Variants in URI1 observed in about 807,000 individuals in gnomAD.
URI1 encodes the protein URI1 prefoldin like chaperone.
Under a neutral mutation model 60.2 loss-of-function variants are expected in URI1, and 39 were observed. The observed-to-expected ratio is 0.65, with a 90% CI of 0.50 to 0.85. URI1 has a LOEUF of 0.85. Ranked by LOEUF, URI1 falls within the 40% of genes least tolerant of loss-of-function variation. The pLI, the probability that URI1 is intolerant of heterozygous loss-of-function variation, is 0.00. For missense variants in URI1, 691 were observed against 665.9 expected, an observed-to-expected ratio of 1.04 and a Z score of -0.42; for synonymous variants, 251 against 236.8, an observed-to-expected ratio of 1.06 and a Z score of -0.55.
chr19:29,972,431 T>C (rs1215200881), intron 2 of URI1, among the ~76,000 whole-genome samples: 1 of 152,070 alleles, frequency 6.6e-6, no homozygotes, highest in Non-Finnish European at 1.5e-5. Flanking sequence ...TTAGTCAGAG[T>C]GGCCCATTTT....
intron 1 of URI1, among the ~76,000 whole-genome samples, chr19:29,926,880 T>C (rs1028004875): frequency 9.9e-5 from 15 of 152,172 alleles, no homozygotes; most frequent in African/African-American, 3.4e-4. Flanking sequence ...ATGACGTGCC[T>C]GTCTGGCAGG....
At chr19:29,985,393 G>T in intron 3 of URI1, 92 bp downstream of exon 3, 1 of 1,011,492 alleles carries the variant, frequency 9.9e-7, no homozygotes, top group Non-Finnish European at 1.5e-6. Flanking sequence ...CTGATGGACT[G>T]TGTCCAAGGT....
chr19:29,996,095 CT>C (rs1391712962), intron 4 of URI1, among the ~76,000 whole-genome samples: 1 of 151,852 alleles, frequency 6.6e-6, no homozygotes, highest in African/African-American at 2.4e-5. Flanking sequence ...TTGGGGAACC[CT>C]TGAGACTCCA....
chr19:30,012,700 AAT>A, intron 10 of URI1, 169 bp downstream of exon 10: 1 of 812,890 alleles, frequency 1.2e-6, no homozygotes, highest in Non-Finnish European at 1.7e-6. Context: ...GTGATAATCA[AAT>A]AGTTTATTTT....
intron 1 of URI1, among the ~76,000 whole-genome samples, chr19:29,944,139 TCATATATATATATA>T (rs1438003507): frequency 9.8e-5 from 3 of 30,564 alleles, no homozygotes; most frequent in African/African-American, 2.7e-4. Flanking sequence ...ACCCTGTCAT[TCATATATATATATA>T]TATATATATA....
chr19:29,970,671 C>T (rs2055447710), intron 1 of URI1, among the ~76,000 whole-genome samples: 1 of 151,948 alleles, frequency 6.6e-6, no homozygotes, highest in Non-Finnish European at 1.5e-5. Context: ...AGTATTTCTT[C>T]TTGAAAATGT....
At chr19:29,993,952 A>G (rs927232521) in intron 4 of URI1, among the ~76,000 whole-genome samples, 1 of 151,976 alleles carries the variant, frequency 6.6e-6, no homozygotes, top group Non-Finnish European at 1.5e-5. Context: ...TCATGGCTAT[A>G]TAGTATTATA....
intron 4 of URI1, among the ~76,000 whole-genome samples, chr19:29,999,406 C>T (rs1217068416): frequency 1.3e-5 from 2 of 152,010 alleles, no homozygotes; most frequent in Non-Finnish European, 2.9e-5. Flanking sequence ...TCTTAAATTT[C>T]CCCTCATTTT....
intron 1 of URI1, among the ~76,000 whole-genome samples, chr19:29,924,249 C>T (rs2054846544): frequency 1.3e-5 from 2 of 152,156 alleles, no homozygotes; most frequent in African/African-American, 4.8e-5. Context: ...GTTGCACCTG[C>T]TATCTGGGTA....
Position 29,985,311 on chromosome 19 carries a change from G to A in URI1, c.231+10G>A, listed in dbSNP as rs765442982. The stretch of plus-strand genomic sequence containing the variant: ...GTCTTATAATATAATGGTATGTTTG[G>A]TGTGTTTCTTTTAAAGTAATAGTTG... On this transcript the variant is annotated intron_variant, in intron 3 of 10. Transcript: ENST00000392271. 1 of 1,602,642 alleles carries A rather than the reference G, an allele frequency of 6.2e-7. No homozygotes were observed. Among genetic ancestry groups the A allele is most frequent in the Admixed American group, 1.7e-5 (1 of 59,330 alleles).
intron 1 of URI1, among the ~76,000 whole-genome samples, chr19:29,954,764 C>T (rs1181374162): frequency 9.9e-5 from 15 of 152,050 alleles, no homozygotes; most frequent in African/African-American, 2.7e-4. Flanking sequence ...GTGATCTGCC[C>T]GCCTCAGCCT....
intron 1 of URI1, among the ~76,000 whole-genome samples, chr19:29,955,471 A>G (rs1599670843): frequency 6.6e-6 from 1 of 152,108 alleles, no homozygotes; most frequent in East Asian, 1.9e-4. Context: ...CAAAGGGTAA[A>G]TTTGTTTAGC....
At chr19:29,974,575 C>T (rs758959038) in intron 2 of URI1, among the ~76,000 whole-genome samples, 3 of 152,138 alleles carry the variant, frequency 2.0e-5, no homozygotes, top group Non-Finnish European at 2.9e-5. Flanking sequence ...GCCATCTACT[C>T]CTACCTCCAA....
chr19:29,976,123 A>G (rs1240988008), intron 2 of URI1, among the ~76,000 whole-genome samples: 1 of 152,200 alleles, frequency 6.6e-6, no homozygotes, highest in Non-Finnish European at 1.5e-5. Flanking sequence ...TTTTAAATAA[A>G]TAATTGCTAC....
chr19:29,989,500 C>T (rs192408006), intron 4 of URI1, among the ~76,000 whole-genome samples: 7 of 151,946 alleles, frequency 4.6e-5, no homozygotes, highest in Admixed American at 2.6e-4. Context: ...GTCAGTTCAT[C>T]GCAACCTCCG....
Position 30,015,283 on chromosome 19 carries a change from C to T in URI1, c.*214C>T, listed in dbSNP as rs543987061. The T allele has an allele frequency of 2.8e-6, 4 of 1,416,922 alleles. No individual in the cohort carries two copies. The East Asian group carries it at 7.5e-5, about 27-fold the overall frequency. 87.8% of individuals were successfully genotyped at this position (1,416,922 alleles called of 1,614,324 possible). A position where few individuals can be genotyped will look rare whatever the true frequency, so the allele number is the denominator to read the frequency against. The stretch of plus-strand genomic sequence containing the variant: ...GCTTGTTTTGTGAATTCTCTGAATA[C>T]TGTCAACACTCTTATCTAAGTTTGC... On this transcript the variant is annotated 3_prime_UTR_variant, in exon 11 of 11. Transcript: ENST00000392271.
chr19:29,966,950 G>A (rs1182711726), intron 1 of URI1, among the ~76,000 whole-genome samples: 1 of 152,194 alleles, frequency 6.6e-6, no homozygotes, highest in Admixed American at 6.5e-5. Context: ...TATCAAAGAT[G>A]AAGAAGTACT....
In URI1 at chr19:30,005,704, T is replaced by C. The variant is rs140300776; in HGVS notation, c.513T>C (p.Phe171=). 60 of 1,611,398 alleles carry C rather than the reference T, an allele frequency of 3.7e-5. No individual in the cohort carries two copies. In the African/African-American group the frequency reaches 7.2e-4, roughly 19 times the overall value. The change falls in exon 6 of 11, where the codon TTT becomes TTC. Residue 171 remains phenylalanine, a synonymous_variant. Transcript: ENST00000392271. ...AAGAAATTAAATGTGACTTCGAATTTAAAGGTAAGCAGTAAGATTGTTTTA... is the reference window on the plus strand; with the variant it reads ...AAGAAATTAAATGTGACTTCGAATTCAAAGGTAAGCAGTAAGATTGTTTTA... ...IREEIKCDFE[F]KAKHRIAHKP... is the part of the protein sequence containing the mutation.
At chr19:29,938,607 G>A (rs1396742221), upstream of URI1, among the ~76,000 whole-genome samples, 1 of 152,156 alleles carries the variant, frequency 6.6e-6, no homozygotes, top group Non-Finnish European at 1.5e-5. Flanking sequence ...CCCATTCCCA[G>A]TGGGGGGCCT....
Sources: allele counts gnomAD v4.1 joint callset (sites outside exome capture counted in the v4.1 genomes callset), GRCh38; gene constraint gnomAD v4.1.1; transcripts MANE v1.5; gene names NCBI Gene and HGNC (gene_info 2026-07-23, HGNC 2026-07-21).